CPM: variants seen among roughly 807,000 people sequenced by gnomAD.
CPM encodes the protein carboxypeptidase M.
A neutral mutation model predicts 46.4 loss-of-function variants in CPM; 35 were observed. The observed-to-expected ratio is 0.75, with a 90% CI of 0.58 to 1.00. CPM has a LOEUF of 1.00. Among genes scored for constraint, CPM ranks in the 50% least tolerant of loss-of-function variants. The pLI, the probability that CPM is intolerant of heterozygous loss-of-function variation, is 0.00. For synonymous variants in CPM, 195 were observed against 195.3 expected (o/e 1.00, Z 0.01); for missense variants, 422 against 530.4 (o/e 0.80, Z 2.01).
chr12:68,847,922 T>C (rs1884444871), downstream of CPM: 1 of 152,292 alleles, frequency 6.6e-6, no homozygotes, highest in African/African-American at 2.4e-5. Context: ...CTCAACACTT[T>C]GGGAGGCCAA....
intron 2 of CPM, among the ~76,000 whole-genome samples, chr12:68,906,918 G>A (rs959682652): frequency 2.0e-5 from 3 of 152,310 alleles, no homozygotes; most frequent in East Asian, 3.9e-4. Flanking sequence ...ATAGTATTCC[G>A]TCAGGGAATG....
chr12:68,944,326 G>A (rs771525252), intron 1 of CPM, among the ~76,000 whole-genome samples: 1 of 152,166 alleles, frequency 6.6e-6, no homozygotes, highest in Non-Finnish European at 1.5e-5. Flanking sequence ...ACAGAGATAA[G>A]CAGTCACTCA....
intron 2 of CPM, among the ~76,000 whole-genome samples, chr12:68,911,375 G>A (rs1249760808): frequency 6.6e-6 from 1 of 152,202 alleles, no homozygotes; most frequent in East Asian, 1.9e-4. Flanking sequence ...TGCGGCTGGA[G>A]CCAAGCTCTC....
chr12:68,869,594 T>C (rs1217812324), intron 5 of CPM, 99 bp from the exon 6 acceptor site: 4 of 1,048,926 alleles, frequency 3.8e-6, no homozygotes, highest in African/African-American at 3.2e-5. Flanking sequence ...CACACACACA[T>C]GCTCTAATTT....
At chr12:68,868,310 T>C (rs1885545570) in intron 6 of CPM, among the ~76,000 whole-genome samples, 1 of 152,076 alleles carries the variant, frequency 6.6e-6, no homozygotes, top group South Asian at 2.1e-4. Flanking sequence ...CTATGCTTAT[T>C]TATATTACCA....
intron 2 of CPM, among the ~76,000 whole-genome samples, chr12:68,911,017 T>C (rs1289205399): frequency 6.6e-6 from 1 of 152,220 alleles, no homozygotes; most frequent in African/African-American, 2.4e-5. Flanking sequence ...TTGTCGAGTA[T>C]ATAACTATAA....
chr12:68,918,161 C>T (rs1220287784), intron 2 of CPM, among the ~76,000 whole-genome samples: 1 of 152,192 alleles, frequency 6.6e-6, no homozygotes, highest in African/African-American at 2.4e-5. Flanking sequence ...TGACATCACT[C>T]TTAATTTTCC....
chr12:68,921,048 C>T (rs1423801150), intron 2 of CPM, among the ~76,000 whole-genome samples: 1 of 149,690 alleles, frequency 6.7e-6, no homozygotes, highest in Non-Finnish European at 1.5e-5. Context: ...CATGATCCCT[C>T]CCACCTTTTT....
At chr12:68,846,326 A>G (rs1356373902), downstream of CPM, 2 of 152,174 alleles carry the variant, frequency 1.3e-5, no homozygotes, top group East Asian at 1.9e-4. Context: ...GGGTCAAGTG[A>G]TCTGCCCGTC....
downstream of CPM, chr12:68,847,390 C>T (rs548605299): frequency 6.8e-6 from 1 of 148,002 alleles, no homozygotes; most frequent in South Asian, 2.1e-4. Context: ...TCTGTTCATA[C>T]CAATATGTTC....
intron 2 of CPM, among the ~76,000 whole-genome samples, chr12:68,894,810 A>G (rs1276716888): frequency 6.6e-6 from 1 of 152,020 alleles, no homozygotes; most frequent in Non-Finnish European, 1.5e-5. Flanking sequence ...TGAGGAGGGC[A>G]GATCACTTGT....
At chr12:68,918,584 C>A (rs763030021) in intron 2 of CPM, among the ~76,000 whole-genome samples, 97 of 152,124 alleles carry the variant, frequency 6.4e-4, no homozygotes, top group Non-Finnish European at 8.4e-4. Flanking sequence ...TCTGCTCACA[C>A]GCCTTCCTCC....
intron 1 of CPM, among the ~76,000 whole-genome samples, chr12:68,939,211 A>G (rs1320202863): frequency 1.4e-5 from 2 of 146,684 alleles, no homozygotes; most frequent in African/African-American, 4.9e-5. Context: ...CCCATAATGT[A>G]TATGATGTCT....
intron 1 of CPM, among the ~76,000 whole-genome samples, chr12:68,950,833 T>C (rs1888922118): frequency 6.6e-6 from 1 of 152,196 alleles, no homozygotes; most frequent in South Asian, 2.1e-4. Context: ...TTCCAGTCTG[T>C]CTGGAGGCCC....
intron 4 of CPM, among the ~76,000 whole-genome samples, chr12:68,870,666 G>C (rs1885654216): frequency 6.6e-6 from 1 of 152,216 alleles, no homozygotes. Flanking sequence ...TGGGACTTCT[G>C]CTCTTAGATG....
chr12:68,885,436 G>A (rs1886385685), intron 3 of CPM, among the ~76,000 whole-genome samples: 1 of 152,102 alleles, frequency 6.6e-6, no homozygotes, highest in African/African-American at 2.4e-5. Context: ...TCCTTTGCTG[G>A]GTCACCTTCA....
chr12:68,873,065 T>C (rs756739101), intron 3 of CPM, among the ~76,000 whole-genome samples: 1 of 152,222 alleles, frequency 6.6e-6, no homozygotes, highest in Non-Finnish European at 1.5e-5. Flanking sequence ...AAATTCTCCC[T>C]ATCATTTTAG....
At chr12:68,873,453 C>T (rs1885799662) in intron 3 of CPM, among the ~76,000 whole-genome samples, 1 of 151,950 alleles carries the variant, frequency 6.6e-6, no homozygotes, top group African/African-American at 2.4e-5. Flanking sequence ...TAAGGCGGAG[C>T]CCAGGAGTTT....
At chr12:68,939,612 T>C (rs1489871735) in intron 1 of CPM, among the ~76,000 whole-genome samples, 5 of 152,168 alleles carry the variant, frequency 3.3e-5, no homozygotes, top group Admixed American at 3.3e-4. Flanking sequence ...AATTTACAGT[T>C]GTAAAATGTG....
Sources: allele counts gnomAD v4.1 joint callset (sites outside exome capture counted in the v4.1 genomes callset), GRCh38; gene constraint gnomAD v4.1.1; transcripts MANE v1.5; gene names NCBI Gene and HGNC (gene_info 2026-07-23, HGNC 2026-07-21).